The following IL2RB variants were observed in gnomAD, a reference collection of about 807,000 sequenced individuals.
The protein encoded by IL2RB is interleukin 2 receptor subunit beta.
IL2RB carries 17 observed loss-of-function variants against 44.2 expected under a neutral mutation model. The ratio of observed to expected loss-of-function variants is 0.38; its 90% CI spans 0.26 to 0.58. The LOEUF is 0.58. Ranked by LOEUF, IL2RB falls within the 20% of genes least tolerant of loss-of-function variation. IL2RB has a pLI of 0.63. For synonymous variants in IL2RB, 286 were observed against 297.9 expected (o/e 0.96, Z 0.41); for missense variants, 624 against 685.5 (o/e 0.91, Z 1.00).
chr22:37,135,347 A>C lies in IL2RB; in HGVS notation c.799T>G (p.Cys267Gly). 6.2e-7 allele frequency: 1 copy of C among 1,613,538 alleles called. No individual in the cohort carries two copies. Among genetic ancestry groups the C allele is most frequent in the Non-Finnish European group, 8.5e-7 (1 of 1,179,484 alleles). The change falls in exon 8 of 10, where the codon TGC (cysteine) becomes GGC (glycine). Residue 267 changes from cysteine to glycine, a missense_variant. Physicochemically the swap from Cys to Gly is radical, Grantham distance 159. Around this residue, in one of 3 missense-constraint regions of IL2RB, gnomAD observed 255 missense variants for 339.9 expected, o/e 0.75. Transcript: ENST00000216223. Reference protein sequence around the residue: ...FIILVYLLINCRNTGPWLKKV... With the variant: ...FIILVYLLINGRNTGPWLKKV... ...TCTTACCATGGCCCGGTGTTCCTGCAGTTGATCAGCAAGTACACTAAGATG... is the reference window on the plus strand; with the variant it reads ...TCTTACCATGGCCCGGTGTTCCTGCCGTTGATCAGCAAGTACACTAAGATG...
At chr22:37,142,824 G>A (rs1246912707) in intron 3 of IL2RB, 3 of 491,600 alleles carry the variant, frequency 6.1e-6, no homozygotes, top group Non-Finnish European at 1.1e-5. Context: ...TGAGGCTTAG[G>A]ATGAAGATAG....
At chr22:37,149,172 C>G (rs1922368196) in intron 1 of IL2RB, among the ~76,000 whole-genome samples, 1 of 152,136 alleles carries the variant, frequency 6.6e-6, no homozygotes, top group Non-Finnish European at 1.5e-5. Flanking sequence ...GAGCTCCAGG[C>G]AGCCCCAAAG....
At chr22:37,137,506 G>C in intron 6 of IL2RB, 81 bp downstream of exon 6, 1 of 1,483,896 alleles carries the variant, frequency 6.7e-7, no homozygotes, top group Middle Eastern at 1.8e-4. Context: ...AGGGGACCTC[G>C]ACACAATGAA....
chr22:37,160,218 G>A (rs992929495), intron 1 of IL2RB, among the ~76,000 whole-genome samples: 3 of 152,170 alleles, frequency 2.0e-5, no homozygotes, highest in Non-Finnish European at 4.4e-5. Flanking sequence ...ATGCAGTGAC[G>A]GCAGCTCCCT....
At chr22:37,142,674 G>T (rs753438793) in intron 3 of IL2RB, 162 bp from the exon 4 acceptor site, 6 of 731,486 alleles carry the variant, frequency 8.2e-6, no homozygotes, top group Non-Finnish European at 1.5e-5. Context: ...TCCCCCACTG[G>T]CTCCATGGCA....
intron 3 of IL2RB, 109 bp from the exon 4 acceptor site, chr22:37,142,621 C>T: frequency 8.5e-7 from 1 of 1,170,610 alleles, no homozygotes; most frequent in Non-Finnish European, 1.3e-6. Context: ...GGCAGCAAGG[C>T]CAGGCTGGGG....
upstream of IL2RB, among the ~76,000 whole-genome samples, chr22:37,150,302 C>T (rs1922430790): frequency 6.6e-6 from 1 of 152,154 alleles, no homozygotes; most frequent in African/African-American, 2.4e-5. Context: ...TTCACACAAG[C>T]AGGTCCCTCT....
At chr22:37,138,436 C>T (rs969338886) in intron 5 of IL2RB, among the ~76,000 whole-genome samples, 1 of 152,216 alleles carries the variant, frequency 6.6e-6, no homozygotes, top group African/African-American at 2.4e-5. Context: ...CCAGTCAGAT[C>T]ACATCCAGTT....
At chr22:37,159,038 G>T (rs983495900) in intron 1 of IL2RB, among the ~76,000 whole-genome samples, 2 of 152,214 alleles carry the variant, frequency 1.3e-5, no homozygotes, top group African/African-American at 4.8e-5. Context: ...TACCCACAAC[G>T]GTTTCCGCTT....
intron 1 of IL2RB, among the ~76,000 whole-genome samples, chr22:37,162,951 T>C (rs1922931822): frequency 1.3e-5 from 2 of 152,160 alleles, no homozygotes. Flanking sequence ...TCGGTTCCAC[T>C]TCATTTCAGT....
chr22:37,146,899 C>G (rs1420792886), intron 1 of IL2RB, among the ~76,000 whole-genome samples: 1 of 152,198 alleles, frequency 6.6e-6, no homozygotes, highest in Non-Finnish European at 1.5e-5. Flanking sequence ...GGGACACACA[C>G]CCTGGCCCCA....
At chr22:37,159,178 A>G (rs891682848) in intron 1 of IL2RB, among the ~76,000 whole-genome samples, 4 of 152,138 alleles carry the variant, frequency 2.6e-5, no homozygotes, top group Admixed American at 1.3e-4. Flanking sequence ...AGGACGTGTG[A>G]TGTTTGAAAA....
chr22:37,141,911 C>A lies in IL2RB; in HGVS notation c.282+523G>T, dbSNP rs1012990221. Among the ~76,000 whole-genome samples, 3 of 152,156 alleles carry A rather than the reference C, an allele frequency of 2.0e-5. No homozygotes were observed. The highest frequency in any genetic ancestry group is 7.2e-5 in the African/African-American group (3 of 41,430). On this transcript the variant is annotated intron_variant, in intron 4 of 9. Transcript: ENST00000216223. This position sits in a 1 kb window ranked among gnomAD's most constrained non-coding sequence, Gnocchi z 4.4. ...TGGGGAGGGCCTGAAAAACAAGGCC[C>A]TTGTTGGGCCTTGACCCAACAAGGT... is the stretch of plus-strand genomic sequence containing the variant.
At position 37,142,415 on chromosome 22, in the gene IL2RB, C is replaced by T. The variant is rs373344487; in HGVS notation, c.282+19G>A. The T allele has an allele frequency of 3.1e-6, 5 of 1,611,570 alleles. No homozygotes were observed. In the East Asian group the frequency reaches 1.1e-4, roughly 36 times the overall value. ...AGACCACCCTCTCCCTGCACTCTCT[C>T]CCTGGGTGGGCTACTCACATCTGGG... On this transcript the variant is annotated intron_variant, in intron 4 of 9. Transcript: ENST00000216223.
At chr22:37,166,231 G>A (rs555743103) in intron 1 of IL2RB, among the ~76,000 whole-genome samples, 11 of 152,260 alleles carry the variant, frequency 7.2e-5, no homozygotes, top group East Asian at 1.9e-4. Context: ...CCAAAGGACC[G>A]CAATGGAAAG....
At chr22:37,170,094 A>G (rs1923229497) in intron 1 of IL2RB, among the ~76,000 whole-genome samples, 1 of 97,708 alleles carries the variant, frequency 1.0e-5, no homozygotes. Context: ...GGAAGAATGG[A>G]TGGATGGATG....
intron 9 of IL2RB, among the ~76,000 whole-genome samples, chr22:37,131,507 A>G (rs1921425667): frequency 1.3e-5 from 2 of 152,228 alleles, no homozygotes; most frequent in African/African-American, 4.8e-5. Flanking sequence ...GATGGAGTTT[A>G]GAGCGTTACT....
At chr22:37,173,269 C>T (rs1044630269) in intron 1 of IL2RB, among the ~76,000 whole-genome samples, 13 of 152,204 alleles carry the variant, frequency 8.5e-5, no homozygotes, top group African/African-American at 2.7e-4. Context: ...ACTTACCCCA[C>T]GCTGAAGCCC....
intron 1 of IL2RB, among the ~76,000 whole-genome samples, chr22:37,162,947 C>G (rs1056555360): frequency 1.3e-5 from 2 of 152,230 alleles, no homozygotes; most frequent in Non-Finnish European, 2.9e-5. Flanking sequence ...CCCTTCGGTT[C>G]CACTTCATTT....
Sources: allele counts gnomAD v4.1 joint callset (sites outside exome capture counted in the v4.1 genomes callset), GRCh38; gene constraint gnomAD v4.1.1; regional missense constraint gnomAD v4.1.1; non-coding constraint Gnocchi (gnomAD v3.1); transcripts MANE v1.5; gene names NCBI Gene and HGNC (gene_info 2026-07-23, HGNC 2026-07-21).